The following CDC14A variants were observed in gnomAD, a reference collection of about 807,000 sequenced individuals.
CDC14A encodes dual specificity protein phosphatase CDC14A.
Under a neutral mutation model 74.4 loss-of-function variants are expected in CDC14A, and 53 were observed. The observed-to-expected ratio is 0.71, with a 90% CI of 0.57 to 0.89. The LOEUF (loss-of-function observed/expected upper bound fraction) is 0.89, where lower values mean the gene tolerates loss of function less well. Ranked by LOEUF, CDC14A falls within the 40% of genes least tolerant of loss-of-function variation. The pLI is 0.00. For synonymous variants in CDC14A, 247 were observed against 258.4 expected (o/e 0.96, Z 0.43); for missense variants, 646 against 713.7 (o/e 0.91, Z 1.08).
intron 4 of CDC14A, among the ~76,000 whole-genome samples, chr1:100,399,689 A>G (rs1423021190): frequency 3.3e-5 from 5 of 152,076 alleles, no homozygotes; most frequent in Non-Finnish European, 7.4e-5. Context: ...TAGAGTGGAT[A>G]AGTGCTATTA....
At chr1:100,400,149 A>G (rs1180031786) in intron 4 of CDC14A, among the ~76,000 whole-genome samples, 3 of 152,152 alleles carry the variant, frequency 2.0e-5, no homozygotes, top group Non-Finnish European at 4.4e-5. Context: ...AAGTGGTTAC[A>G]GTGTGTGTGT....
chr1:100,452,211 C>T (rs781129187), intron 7 of CDC14A, among the ~76,000 whole-genome samples: 1 of 152,084 alleles, frequency 6.6e-6, no homozygotes, highest in African/African-American at 2.4e-5. Flanking sequence ...AAATGCATTT[C>T]TTAGAAATCA....
intron 4 of CDC14A, among the ~76,000 whole-genome samples, chr1:100,417,362 G>A (rs563995492): frequency 2.0e-5 from 3 of 152,208 alleles, no homozygotes; most frequent in Non-Finnish European, 2.9e-5. Context: ...CTGTGCCCTC[G>A]TATATGTGCA....
chr1:100,347,930 C>T (rs1650567897), upstream of CDC14A, among the ~76,000 whole-genome samples: 2 of 152,112 alleles, frequency 1.3e-5, no homozygotes, highest in African/African-American at 4.8e-5. Flanking sequence ...ATGTAAACCA[C>T]ACAGCTGTCA....
intron 15 of CDC14A, among the ~76,000 whole-genome samples, chr1:100,500,992 C>T (rs1648657832): frequency 6.6e-6 from 1 of 151,992 alleles, no homozygotes; most frequent in Admixed American, 6.5e-5. Flanking sequence ...TCCTATTTTA[C>T]AGGCATGAGC....
intron 11 of CDC14A, among the ~76,000 whole-genome samples, chr1:100,494,206 G>A (rs1315573661): frequency 1.3e-5 from 2 of 152,068 alleles, no homozygotes; most frequent in Non-Finnish European, 2.9e-5. Flanking sequence ...CCTGCATCAG[G>A]GCTATTGAAG....
chr1:100,381,525 G>A (rs982358628), intron 3 of CDC14A, among the ~76,000 whole-genome samples: 1 of 151,940 alleles, frequency 6.6e-6, no homozygotes, highest in Non-Finnish European at 1.5e-5. Flanking sequence ...TCCTCATTCT[G>A]TGCTTTATAT....
chr1:100,484,263 C>A lies in CDC14A; in HGVS notation c.978-29C>A. ...TGTTTTAAAGATAACTTTTTCTTGT[C>A]GTTTTGTTTTGTTTTGTTTTTTATA... On this transcript the variant is annotated intron_variant, in intron 10 of 15. Coordinates refer to ENST00000336454, the MANE Select transcript of CDC14A (RefSeq NM_003672.4). The A allele has an allele frequency of 2.2e-6, 3 of 1,352,330 alleles. No homozygotes were observed. The South Asian group carries it at 4.3e-5, about 20-fold the overall frequency. 83.8% of individuals were successfully genotyped at this position (1,352,330 alleles called of 1,614,324 possible). A position where few individuals can be genotyped will look rare whatever the true frequency, so the allele number is the denominator to read the frequency against.
chr1:100,505,084 C>T, intron 15 of CDC14A: 1 of 726,784 alleles, frequency 1.4e-6, no homozygotes, highest in East Asian at 2.9e-5. Flanking sequence ...TCAAAAAGTT[C>T]TTTTATAGTT....
chr1:100,425,516 C>T (rs906119628), intron 5 of CDC14A, among the ~76,000 whole-genome samples: 1 of 152,236 alleles, frequency 6.6e-6, no homozygotes, highest in Admixed American at 6.5e-5. Context: ...AAGGGATTCT[C>T]ATTCTGCTTC....
chr1:100,356,858 T>TAAA (rs11448846), intron 2 of CDC14A, among the ~76,000 whole-genome samples: 29 of 70,734 alleles, frequency 4.1e-4, no homozygotes, highest in Middle Eastern at 0.01. Flanking sequence ...AGACTCTGTC[T>TAAA]AAAAAAAAAA....
At chr1:100,398,767 G>A (rs1658883373) in intron 4 of CDC14A, among the ~76,000 whole-genome samples, 1 of 152,054 alleles carries the variant, frequency 6.6e-6, no homozygotes, top group Admixed American at 6.6e-5. Flanking sequence ...CATGTAACAG[G>A]CCTTGTTCCT....
At chr1:100,464,213 C>G (rs1667582260) in intron 9 of CDC14A, among the ~76,000 whole-genome samples, 1 of 152,240 alleles carries the variant, frequency 6.6e-6, no homozygotes, top group Admixed American at 6.5e-5. Context: ...TGGAGCAGGG[C>G]TCCCCATGCC....
At position 100,457,624 on chromosome 1, in the gene CDC14A, TG is replaced by T. The variant is rs1217802330; in HGVS notation, c.607+2134del. On this transcript the variant is annotated intron_variant, in intron 8 of 15. Transcript: ENST00000336454. Reference sequence around the variant, plus strand: ...CAAGGCACAGCCCACCACACCTGGCTGGTTTTTTTTTTTTTTTTTAATTTTT... The same window carrying T: ...CAAGGCACAGCCCACCACACCTGGCTGTTTTTTTTTTTTTTTTTAATTTTT... 4.3e-3 allele frequency among the ~76,000 whole-genome samples: 558 copies of T among 130,116 alleles called. 3 individuals are homozygous for T. The highest frequency in any genetic ancestry group is 0.019 in the African/African-American group (526 of 28,008). 85.4% of individuals were successfully genotyped at this position (130,116 alleles called of 152,430 possible).
intron 9 of CDC14A, among the ~76,000 whole-genome samples, chr1:100,466,900 A>G (rs1054092959): frequency 6.7e-6 from 1 of 150,070 alleles, no homozygotes; most frequent in Non-Finnish European, 1.5e-5. Flanking sequence ...AGAAGGGTTA[A>G]TGGGAAGGAA....
intron 4 of CDC14A, among the ~76,000 whole-genome samples, chr1:100,419,200 A>G (rs1661941755): frequency 6.6e-6 from 1 of 152,162 alleles, no homozygotes; most frequent in Non-Finnish European, 1.5e-5. Context: ...AAAATAAATA[A>G]AAAGAGAGAG....
intron 15 of CDC14A, among the ~76,000 whole-genome samples, chr1:100,514,715 G>A (rs968486100): frequency 5.9e-5 from 9 of 152,152 alleles, no homozygotes; most frequent in African/African-American, 2.2e-4. Flanking sequence ...CATTTAATGC[G>A]TGAATATGTA....
At chr1:100,493,672 C>T (rs1041410718) in intron 11 of CDC14A, among the ~76,000 whole-genome samples, 14 of 152,276 alleles carry the variant, frequency 9.2e-5, no homozygotes, top group Admixed American at 8.5e-4. Context: ...TCTTGGGCTG[C>T]GTCACTTGCA....
At position 100,377,317 on chromosome 1, in the gene CDC14A, G is replaced by T. The variant is rs28361203; in HGVS notation, c.141-229G>T. On this transcript the variant is annotated intron_variant, in intron 2 of 15. Coordinates refer to ENST00000336454, the MANE Select transcript of CDC14A (RefSeq NM_003672.4). ...AGCCTCCCAAAGTGCTGGGATTACAGGCATAAGCCACCGCGCCCGGCCACT... is the reference window on the plus strand; with the variant it reads ...AGCCTCCCAAAGTGCTGGGATTACATGCATAAGCCACCGCGCCCGGCCACT... Among the ~76,000 whole-genome samples, 2,315 of 152,218 alleles carry T rather than the reference G, an allele frequency of 0.015. 61 individuals carry two copies. Among genetic ancestry groups the T allele is most frequent in the African/African-American group, 0.053 (2,196 of 41,518 alleles).
Sources: allele counts gnomAD v4.1 joint callset (sites outside exome capture counted in the v4.1 genomes callset), GRCh38; gene constraint gnomAD v4.1.1; transcripts MANE v1.5; gene names NCBI Gene and HGNC (gene_info 2026-07-23, HGNC 2026-07-21).